LYN: variants seen among roughly 807,000 people sequenced by gnomAD.
LYN encodes the protein tyrosine-protein kinase Lyn.
In LYN, 12 loss-of-function variants were observed where a neutral mutation model predicts 65.0. The ratio of observed to expected loss-of-function variants is 0.18; its 90% CI spans 0.12 to 0.30. The LOEUF (loss-of-function observed/expected upper bound fraction) is 0.30, where lower values mean the gene tolerates loss of function less well. LYN is among the 10% of genes least tolerant of loss of function. LYN has a pLI of 1.00. For synonymous variants in LYN, 222 were observed against 221.2 expected (o/e 1.00, Z -0.03); for missense variants, 380 against 623.2 (o/e 0.61, Z 4.16).
intron 10 of LYN, among the ~76,000 whole-genome samples, chr8:55,981,857 G>GTGGCAC (rs1807936825): frequency 6.6e-6 from 1 of 152,164 alleles, no homozygotes; most frequent in Non-Finnish European, 1.5e-5. Context: ...GTGCAGCTTT[G>GTGGCAC]TTTTGCATTC....
At chr8:55,931,618 A>G (rs1282668104) in intron 1 of LYN, among the ~76,000 whole-genome samples, 3 of 152,178 alleles carry the variant, frequency 2.0e-5, no homozygotes, top group Admixed American at 2.0e-4. Context: ...TCACAAAATG[A>G]TATCATGCTA....
At chr8:55,887,508 A>G (rs1399220132) in intron 1 of LYN, among the ~76,000 whole-genome samples, 5 of 150,332 alleles carry the variant, frequency 3.3e-5, no homozygotes, top group Non-Finnish European at 7.4e-5. Flanking sequence ...ATAAATATAT[A>G]TATAAATCCC....
In LYN at chr8:56,013,288, A is replaced by C. The variant is rs1366596261; in HGVS notation, c.*3178A>C. 8.8e-6 allele frequency: 1 copy of C among 113,408 alleles called. No individual in the cohort carries two copies. Among genetic ancestry groups the C allele is most frequent in the African/African-American group, 4.6e-5 (1 of 21,600 alleles). The allele number at this position is 113,408 out of a possible 1,614,324, so 7.0% of individuals were successfully genotyped here. ...GCTCTCTCTTTTTTTTTTTTTTTTG[A>C]CAGAGTCTCACTCTGTCACGCAGGC... On this transcript the variant is annotated 3_prime_UTR_variant, in exon 13 of 13. Coordinates refer to ENST00000519728, the MANE Select transcript of LYN (RefSeq NM_002350.4).
intron 10 of LYN, among the ~76,000 whole-genome samples, chr8:55,977,065 A>G (rs1302258105): frequency 6.6e-6 from 1 of 152,070 alleles, no homozygotes; most frequent in Non-Finnish European, 1.5e-5. Flanking sequence ...TGCGCCTGTA[A>G]TCCCAGCTAC....
chr8:55,957,787 A>G (rs1807162298), intron 8 of LYN, among the ~76,000 whole-genome samples: 1 of 152,116 alleles, frequency 6.6e-6, no homozygotes, highest in African/African-American at 2.4e-5. Context: ...TATCAAAAAT[A>G]CAAAAAAAAA....
chr8:55,972,333 AG>A (rs1461737494), intron 10 of LYN, among the ~76,000 whole-genome samples: 2 of 152,162 alleles, frequency 1.3e-5, no homozygotes, highest in Non-Finnish European at 2.9e-5. Context: ...CCTTCCCTCA[AG>A]GTGGCGCTGG....
intron 1 of LYN, among the ~76,000 whole-genome samples, chr8:55,932,191 T>G (rs762709024): frequency 1.3e-5 from 2 of 152,032 alleles, no homozygotes; most frequent in African/African-American, 2.4e-5. Context: ...AAAGATGACA[T>G]TAAGGTTGAA....
chr8:55,935,734 TCG>T (rs2130460660), intron 1 of LYN, among the ~76,000 whole-genome samples: 1 of 142,068 alleles, frequency 7.0e-6, no homozygotes, highest in East Asian at 2.1e-4. Flanking sequence ...TGAGCCGAGA[TCG>T]CACCACTGCA....
At chr8:56,003,933 T>A (rs112812049) in intron 12 of LYN, among the ~76,000 whole-genome samples, 3 of 135,584 alleles carry the variant, frequency 2.2e-5, no homozygotes, top group Non-Finnish European at 3.1e-5. Context: ...TTATTCTTTT[T>A]TTTTTTTTTT....
At chr8:55,964,554 A>T (rs566039107) in intron 8 of LYN, among the ~76,000 whole-genome samples, 10 of 152,300 alleles carry the variant, frequency 6.6e-5, no homozygotes, top group African/African-American at 1.7e-4. Context: ...TTTATTATTT[A>T]AAAAAATCAT....
rs543807318 is a variant in LYN, at chr8:55,902,935, G to A, written c.-6+22832G>A. On this transcript the variant is annotated intron_variant, in intron 1 of 12. Transcript: ENST00000519728. Reference sequence around the variant, plus strand: ...GCAATCTCCACTCACTGCAACCTCCGCCTCTTGGGTTCCAGCGATTCTCCT... The same window carrying A: ...GCAATCTCCACTCACTGCAACCTCCACCTCTTGGGTTCCAGCGATTCTCCT... The A allele has an allele frequency of 2.5e-3, 772 of 309,504 alleles. 3 individuals carry two copies. Among genetic ancestry groups the A allele is most frequent in the Admixed American group, 4.8e-3 (117 of 24,236 alleles). 19.2% of individuals were successfully genotyped at this position (309,504 alleles called of 1,614,324 possible).
At chr8:55,933,146 A>G (rs566871133) in intron 1 of LYN, among the ~76,000 whole-genome samples, 1 of 152,370 alleles carries the variant, frequency 6.6e-6, no homozygotes, top group African/African-American at 2.4e-5. Flanking sequence ...AAGAATTACT[A>G]TACTCTTAAG....
intron 8 of LYN, among the ~76,000 whole-genome samples, chr8:55,963,210 A>G (rs188220744): frequency 9.8e-5 from 15 of 152,360 alleles, no homozygotes; most frequent in African/African-American, 3.6e-4. Context: ...GCAAGCATGC[A>G]TGAGCTCTAG....
intron 1 of LYN, among the ~76,000 whole-genome samples, chr8:55,909,282 C>T (rs1232193877): frequency 6.6e-6 from 1 of 152,070 alleles, no homozygotes; most frequent in African/African-American, 2.4e-5. Flanking sequence ...AGGAGGGCCT[C>T]TCTGCACTGG....
At position 56,009,958 on chromosome 8, in the gene LYN, C is replaced by G; in HGVS notation, c.1387C>G (p.Pro463Ala). The G allele has an allele frequency of 6.2e-7, 1 of 1,613,970 alleles. No homozygotes were observed. Among genetic ancestry groups the G allele is most frequent in the Non-Finnish European group, 8.5e-7 (1 of 1,179,884 alleles). ...MTALSQGYRM[P>A]RVENCPDELY... ...CGCCCTGTCCCAGGGCTACAGGATG[C>G]CCCGTGTGGAGAACTGCCCAGATGA... The change falls in exon 13 of 13, where the codon CCC (proline) becomes GCC (alanine). Residue 463 changes from proline to alanine, a missense_variant. Around this residue, in one of 2 missense-constraint regions of LYN, gnomAD observed 223 missense variants for 430.0 expected, o/e 0.52. Transcript: ENST00000519728.
intron 12 of LYN, among the ~76,000 whole-genome samples, chr8:56,001,915 C>T (rs1808522826): frequency 1.3e-5 from 2 of 152,162 alleles, no homozygotes; most frequent in Admixed American, 6.5e-5. Flanking sequence ...ATCCATGTGC[C>T]TCCCAAGACC....
intron 1 of LYN, among the ~76,000 whole-genome samples, chr8:55,908,989 G>GTATATA (rs373570614): frequency 7.4e-4 from 15 of 20,386 alleles, no homozygotes; most frequent in African/African-American, 1.7e-3. Context: ...CATTGTGTAT[G>GTATATA]TATATATATA....
At chr8:55,894,945 AG>A (rs1378186702) in intron 1 of LYN, among the ~76,000 whole-genome samples, 8 of 152,176 alleles carry the variant, frequency 5.3e-5, no homozygotes, top group African/African-American at 1.7e-4. Flanking sequence ...AGCCTCCCAA[AG>A]TGCTGGGATT....
chr8:55,950,787 A>G lies in LYN; in HGVS notation c.487+3A>G, dbSNP rs770159589. The G allele has an allele frequency of 6.3e-7, 1 of 1,591,940 alleles. No homozygotes were observed. Among genetic ancestry groups the G allele is most frequent in the South Asian group, 1.1e-5 (1 of 90,570 alleles). The stretch of plus-strand genomic sequence containing the variant: ...TAGAGAAAGTGAAACATTAAAAGGT[A>G]GGAAATTGTTCAAAGCCTCTTTTAA... On this transcript the variant is annotated splice_donor_region_variant and intron_variant, in intron 6 of 12. Coordinates refer to ENST00000519728, the MANE Select transcript of LYN (RefSeq NM_002350.4).
Sources: allele counts gnomAD v4.1 joint callset (sites outside exome capture counted in the v4.1 genomes callset), GRCh38; gene constraint gnomAD v4.1.1; regional missense constraint gnomAD v4.1.1; transcripts MANE v1.5; gene names NCBI Gene and HGNC (gene_info 2026-07-23, HGNC 2026-07-21).